Variants in REDIC1 observed in about 807,000 individuals in gnomAD.
REDIC1 encodes regulator of DNA class I crossover intermediates 1, also known as HEI10 Interacting Protein 1.
chr12:39,664,241 A>C, the REDIC1 span, among the ~76,000 whole-genome samples: 2 of 111,160 alleles, frequency 1.8e-5, no homozygotes, highest in East Asian at 3.2e-4. Flanking sequence ...CCACCCCACA[A>C]CAGGCCCTGG....
the REDIC1 span, chr12:39,721,903 TTA>T: frequency 3.3e-5 from 5 of 152,106 alleles, no homozygotes; most frequent in South Asian, 4.1e-4. Context: ...AAAAAATGAT[TTA>T]TGTTACTAAT....
At chr12:39,836,617 AG>A in the REDIC1 span, among the ~76,000 whole-genome samples, 1 of 147,590 alleles carries the variant, frequency 6.8e-6, no homozygotes, top group Non-Finnish European at 1.5e-5. Context: ...AATCTCCTTA[AG>A]CTGATAAGCA....
chr12:39,868,296 C>A, the REDIC1 span, among the ~76,000 whole-genome samples: 1 of 152,160 alleles, frequency 6.6e-6, no homozygotes, highest in African/African-American at 2.4e-5. Context: ...TAAAAATATT[C>A]TCCACAGGAA....
chr12:39,653,327 C>T, the REDIC1 span, among the ~76,000 whole-genome samples: 20,696 of 151,612 alleles, frequency 0.14, 1,779 homozygotes, highest in Middle Eastern at 0.25. Flanking sequence ...GATTATTCCT[C>T]GGTAGTGTAT....
chr12:39,821,961 C>T, the REDIC1 span, among the ~76,000 whole-genome samples: 1 of 152,012 alleles, frequency 6.6e-6, no homozygotes, highest in Non-Finnish European at 1.5e-5. Context: ...GGTACATGTG[C>T]ACAATGTGCA....
At chr12:39,826,610 A>G in the REDIC1 span, among the ~76,000 whole-genome samples, 9 of 151,528 alleles carry the variant, frequency 5.9e-5, no homozygotes, top group Middle Eastern at 3.2e-3. Flanking sequence ...CTGAAAAAAA[A>G]TAAAAAGCAG....
the REDIC1 span, among the ~76,000 whole-genome samples, chr12:39,803,033 A>C: frequency 6.6e-6 from 1 of 152,160 alleles, no homozygotes; most frequent in Non-Finnish European, 1.5e-5. Context: ...TGAAGGCAGA[A>C]ATTTCTAAAT....
chr12:39,691,535 TAAAG>T, the REDIC1 span, among the ~76,000 whole-genome samples: 1 of 151,966 alleles, frequency 6.6e-6, no homozygotes, highest in Non-Finnish European at 1.5e-5. Context: ...ATCCTGGAAA[TAAAG>T]AAACACTCAG....
chr12:39,745,320 T>C, the REDIC1 span, among the ~76,000 whole-genome samples: 2 of 152,176 alleles, frequency 1.3e-5, no homozygotes, highest in Non-Finnish European at 2.9e-5. Flanking sequence ...AAATTTTCCA[T>C]TATAAAGCAC....
At chr12:39,714,205 A>ATGTATATATGTATATG in the REDIC1 span, among the ~76,000 whole-genome samples, 2 of 37,140 alleles carry the variant, frequency 5.4e-5, no homozygotes, top group Admixed American at 6.7e-4. Flanking sequence ...ATATGTATAT[A>ATGTATATATGTATATG]CATGCATATA....
At chr12:39,652,439 G>T in the REDIC1 span, among the ~76,000 whole-genome samples, 1 of 152,082 alleles carries the variant, frequency 6.6e-6, no homozygotes, top group African/African-American at 2.4e-5. Context: ...TAGTCAGTGT[G>T]TAGTAGTATC....
At chr12:39,680,295 T>G in the REDIC1 span, among the ~76,000 whole-genome samples, 20 of 151,578 alleles carry the variant, frequency 1.3e-4, no homozygotes, top group East Asian at 3.9e-3. Context: ...AAACAAGTAA[T>G]CCCATCAAAA....
the REDIC1 span, among the ~76,000 whole-genome samples, chr12:39,793,967 G>C: frequency 3.3e-5 from 5 of 151,904 alleles, no homozygotes; most frequent in Non-Finnish European, 7.4e-5. Context: ...CCTTGGCCAA[G>C]AAGAGGGATG....
chr12:39,826,491 T>C, the REDIC1 span, among the ~76,000 whole-genome samples: 1 of 151,420 alleles, frequency 6.6e-6, no homozygotes, highest in African/African-American at 2.4e-5. Context: ...TACTATACTT[T>C]GAGTCTCTTA....
the REDIC1 span, among the ~76,000 whole-genome samples, chr12:39,766,880 T>C: frequency 6.6e-6 from 1 of 152,112 alleles, no homozygotes; most frequent in African/African-American, 2.4e-5. Context: ...AATAGTTCTC[T>C]TGCTGTTTTC....
chr12:39,834,386 G>C, the REDIC1 span, among the ~76,000 whole-genome samples: 1 of 152,004 alleles, frequency 6.6e-6, no homozygotes, highest in African/African-American at 2.4e-5. Flanking sequence ...GAAAACAAGT[G>C]TTCCAAGTCA....
chr12:39,780,535 G>A, the REDIC1 span, among the ~76,000 whole-genome samples: 752 of 152,278 alleles, frequency 4.9e-3, 7 homozygotes, highest in African/African-American at 0.017. Flanking sequence ...GCAGGTCTGC[G>A]CCTCTGTGTC....
the REDIC1 span, among the ~76,000 whole-genome samples, chr12:39,802,924 C>G: frequency 6.6e-6 from 1 of 152,070 alleles, no homozygotes; most frequent in South Asian, 2.1e-4. Flanking sequence ...GACAATAAAG[C>G]CCTCTGGGAA....
chr12:39,902,788 T>C, the REDIC1 span, among the ~76,000 whole-genome samples: 3,381 of 152,236 alleles, frequency 0.022, 124 homozygotes, highest in African/African-American at 0.077. Context: ...ATAGTTTATA[T>C]AGTTTTAGTT....
Sources: allele counts gnomAD v4.1 joint callset (sites outside exome capture counted in the v4.1 genomes callset), GRCh38; gene constraint gnomAD v4.1.1; transcripts MANE v1.5; gene names NCBI Gene and HGNC (gene_info 2026-07-23, HGNC 2026-07-21).